The following TDRD9 variants were observed in gnomAD, a reference collection of about 807,000 sequenced individuals.
TDRD9 encodes tudor domain containing 9, also known as ATP-dependent RNA helicase TDRD9.
TDRD9 carries 124 observed loss-of-function variants against 172.6 expected under a neutral mutation model. The observed-to-expected ratio is 0.72, with a 90% CI of 0.62 to 0.83. The LOEUF (loss-of-function observed/expected upper bound fraction) is 0.83, where lower values mean the gene tolerates loss of function less well. TDRD9 is among the 40% of genes least tolerant of loss of function. The pLI is 0.00. For missense variants in TDRD9, 1,479 were observed against 1,714.1 expected (o/e 0.86, Z 2.42); for synonymous variants, 619 against 617.1 (o/e 1.00, Z -0.05).
At chr14:103,984,735 G>A (rs1379585569) in intron 7 of TDRD9, among the ~76,000 whole-genome samples, 1 of 152,212 alleles carries the variant, frequency 6.6e-6, no homozygotes, top group African/African-American at 2.4e-5. Context: ...GGAGCTGTGA[G>A]AAGAGGGCCA....
chr14:104,031,169 C>T lies in TDRD9; in HGVS notation c.3344C>T (p.Ser1115Phe). 6.4e-7 allele frequency: 1 copy of T among 1,551,734 alleles called. No individual in the cohort carries two copies. Among genetic ancestry groups the T allele is most frequent in the Non-Finnish European group, 8.7e-7 (1 of 1,146,964 alleles). ...TCAGTAGAAAACATGACAGATGGCTCTGTGCCCTTTCCCATGAAAGACGAC... is the reference window on the plus strand; with the variant it reads ...TCAGTAGAAAACATGACAGATGGCTTTGTGCCCTTTCCCATGAAAGACGAC... ...SKSVENMTDG[S>F]VPFPMKDDEK... The change falls in exon 29 of 36, where the codon TCT becomes TTT. Residue 1115 changes from serine (S) to phenylalanine (F), a missense_variant. Physicochemically the swap from Ser to Phe is radical, Grantham distance 155. Transcript: ENST00000409874.
chr14:103,956,099 AAAAAAAAAAAAAATAT>A (rs1190521343), intron 2 of TDRD9, among the ~76,000 whole-genome samples: 50 of 53,266 alleles, frequency 9.4e-4, no homozygotes, highest in Non-Finnish European at 1.4e-3. Flanking sequence ...AAAAAAAAAA[AAAAAAAAAAAAAATAT>A]ATATATATAT....
rs148458755 is a variant in TDRD9, at chr14:104,004,316, A to G, written c.1562A>G (p.His521Arg). Residue 521 changes from histidine to arginine, a missense_variant, in exon 14 of 36, where the codon CAT (histidine) becomes CGT (arginine). Physicochemically the swap from His to Arg is conservative, Grantham distance 29 (BLOSUM62 0). Transcript: ENST00000409874. ...TTCTGGGACAACTCCATCCCTGATC[A>G]TGTTGTTCCTGAGATGTTGGTAATT... ...KDFWDNSIPDHVVPEMLRCPL... is the reference protein window; with the variant it reads ...KDFWDNSIPDRVVPEMLRCPL... The G allele has an allele frequency of 2.2e-5, 35 of 1,591,006 alleles. No individual in the cohort carries two copies. The East Asian group carries it at 3.8e-4, about 17-fold the overall frequency.
At chr14:104,044,290 C>T (rs1012979796) in intron 34 of TDRD9, among the ~76,000 whole-genome samples, 2 of 152,156 alleles carry the variant, frequency 1.3e-5, no homozygotes, top group African/African-American at 4.8e-5. Flanking sequence ...CAGCAGGCAG[C>T]AGATGCCACC....
At chr14:104,048,396 G>A (rs2035842663) in intron 34 of TDRD9, among the ~76,000 whole-genome samples, 1 of 152,212 alleles carries the variant, frequency 6.6e-6, no homozygotes, top group African/African-American at 2.4e-5. Context: ...ATGTGACCAC[G>A]CCCAGCTCGT....
At chr14:104,014,873 C>A in intron 21 of TDRD9, 32 bp downstream of exon 21, 1 of 1,265,056 alleles carries the variant, frequency 7.9e-7, no homozygotes, top group South Asian at 1.3e-5. Context: ...ATTTTTTTTC[C>A]TGATTCTTTC....
chr14:104,035,108 GA>G (rs1248600551), intron 32 of TDRD9, 52 bp downstream of exon 32: 4 of 1,425,866 alleles, frequency 2.8e-6, no homozygotes, highest in Non-Finnish European at 1.9e-6. Flanking sequence ...ACCTGGGCGG[GA>G]AAAAACGGGT....
chr14:104,013,330 T>C (rs2034673214), intron 20 of TDRD9, among the ~76,000 whole-genome samples: 1 of 152,242 alleles, frequency 6.6e-6, no homozygotes, highest in African/African-American at 2.4e-5. Flanking sequence ...ATATTGATTT[T>C]ATTTTCCTGT....
At chr14:103,939,597 TG>T (rs541345838) in intron 1 of TDRD9, among the ~76,000 whole-genome samples, 328 of 149,880 alleles carry the variant, frequency 2.2e-3, no homozygotes, top group Non-Finnish European at 2.0e-3. Context: ...ATTACGTGAT[TG>T]GGATTTAAGA....
intron 1 of TDRD9, among the ~76,000 whole-genome samples, chr14:103,938,917 A>T (rs1192051066): frequency 6.6e-6 from 1 of 152,208 alleles, no homozygotes; most frequent in Non-Finnish European, 1.5e-5. Context: ...CCCTCACAGG[A>T]TATGAGTATT....
chr14:103,976,975 G>T (rs753738608), intron 7 of TDRD9, among the ~76,000 whole-genome samples: 1 of 152,138 alleles, frequency 6.6e-6, no homozygotes, highest in Non-Finnish European at 1.5e-5. Flanking sequence ...TCCTGCCTCA[G>T]CCTCCCAAAG....
intron 9 of TDRD9, among the ~76,000 whole-genome samples, chr14:103,993,254 A>C (rs1379167435): frequency 1.3e-5 from 2 of 152,210 alleles, no homozygotes; most frequent in Middle Eastern, 3.4e-3. Flanking sequence ...CAGCCTCCCA[A>C]AGTGTTGGGA....
intron 4 of TDRD9, 21 bp downstream of exon 4, chr14:103,965,575 G>A: frequency 6.6e-7 from 1 of 1,512,070 alleles, no homozygotes; most frequent in Non-Finnish European, 9.0e-7. Context: ...GAGGGAGGGA[G>A]GGACTAAGAG....
chr14:103,998,949 C>T (rs548611381), intron 13 of TDRD9, among the ~76,000 whole-genome samples: 5 of 152,224 alleles, frequency 3.3e-5, no homozygotes, highest in African/African-American at 4.8e-5. Flanking sequence ...CCTGCCACCA[C>T]GCCTGGCTAA....
chr14:104,033,477 A>G (rs571925970), intron 30 of TDRD9, among the ~76,000 whole-genome samples: 1 of 152,314 alleles, frequency 6.6e-6, no homozygotes, highest in African/African-American at 2.4e-5. Context: ...AAGCAGCAGG[A>G]TGGAGCTGCA....
intron 28 of TDRD9, 74 bp from the exon 29 acceptor site, chr14:104,031,034 A>C (rs2035265091): frequency 7.5e-7 from 1 of 1,335,400 alleles, no homozygotes; most frequent in African/African-American, 1.5e-5. Flanking sequence ...TGCCTATGAA[A>C]TATTTTGATT....
At chr14:103,936,510 C>T (rs2030774019) in intron 1 of TDRD9, among the ~76,000 whole-genome samples, 1 of 152,174 alleles carries the variant, frequency 6.6e-6, no homozygotes, top group African/African-American at 2.4e-5. Flanking sequence ...TCTTACTCCT[C>T]AAGCCATGGT....
intron 29 of TDRD9, 119 bp from the exon 30 acceptor site, chr14:104,031,898 T>G: frequency 1.5e-6 from 1 of 675,032 alleles, no homozygotes; most frequent in Non-Finnish European, 2.4e-6. Flanking sequence ...CATAAAGACA[T>G]TATGAATGAG....
intron 24 of TDRD9, among the ~76,000 whole-genome samples, chr14:104,023,184 CAAAAAAAAAAAAAAAA>C (rs10661391): frequency 6.2e-5 from 4 of 64,434 alleles, no homozygotes; most frequent in Admixed American, 2.7e-4. Context: ...GACTCCGTCT[CAAAAAAAAAAAAAAAA>C]AAAAAAAAAA....
Sources: gnomAD v4.1 joint callset for allele counts (sites outside exome capture counted in the v4.1 genomes callset) on GRCh38, gnomAD v4.1.1 for gene constraint, MANE v1.5 for transcripts, NCBI Gene and HGNC (gene_info 2026-07-23, HGNC 2026-07-21) for gene names.